PLCE1: variants seen among roughly 807,000 people sequenced by gnomAD.
PLCE1 encodes phospholipase C epsilon 1, also known as 1-phosphatidylinositol 4,5-bisphosphate phosphodiesterase epsilon-1.
PLCE1 carries 119 observed loss-of-function variants against 242.8 expected under a neutral mutation model. The ratio of observed to expected loss-of-function variants is 0.49; its 90% confidence interval spans 0.42 to 0.57. The LOEUF (loss-of-function observed/expected upper bound fraction) is 0.57. Among genes scored for constraint, PLCE1 ranks in the 20% least tolerant of loss-of-function variants. PLCE1 has a pLI of 0.00. For missense variants in PLCE1, 2,441 were observed against 2,788.8 expected (o/e 0.88, Z 2.81); for synonymous variants, 945 against 1,017.4 (o/e 0.93, Z 1.35).
intron 2 of PLCE1, among the ~76,000 whole-genome samples, chr10:94,097,548 T>C (rs988802680): frequency 6.6e-5 from 10 of 152,168 alleles, no homozygotes; most frequent in African/African-American, 1.9e-4. Flanking sequence ...ACCAGACTTA[T>C]TCTGAAATGA....
intron 1 of PLCE1, among the ~76,000 whole-genome samples, chr10:94,021,060 G>A (rs566434764): frequency 1.3e-5 from 2 of 151,998 alleles, no homozygotes; most frequent in Admixed American, 1.3e-4. Flanking sequence ...TGAACTCCTG[G>A]CCTCAAGTGA....
chr10:94,248,220 T>C (rs1289764163), intron 8 of PLCE1, among the ~76,000 whole-genome samples: 1 of 152,220 alleles, frequency 6.6e-6, no homozygotes, highest in Non-Finnish European at 1.5e-5. Flanking sequence ...ACTTGATTAA[T>C]TGATTAATAA....
chr10:94,204,539 G>T (rs972911117), intron 4 of PLCE1, among the ~76,000 whole-genome samples: 4 of 151,952 alleles, frequency 2.6e-5, no homozygotes, highest in African/African-American at 9.7e-5. Context: ...GTGGTGGCAG[G>T]CGCCTGTAAT....
chr10:94,093,615 C>T (rs987718603), intron 2 of PLCE1, among the ~76,000 whole-genome samples: 6 of 152,172 alleles, frequency 3.9e-5, no homozygotes, highest in African/African-American at 9.7e-5. Flanking sequence ...CTGCACAGTC[C>T]CACTGCCCAA....
chr10:94,175,610 A>G (rs964235471), intron 4 of PLCE1, among the ~76,000 whole-genome samples: 1 of 152,176 alleles, frequency 6.6e-6, no homozygotes, highest in Non-Finnish European at 1.5e-5. Flanking sequence ...GTACAATTAA[A>G]TTATTATTGA....
At chr10:94,008,639 T>G (rs1409946246) in intron 1 of PLCE1, among the ~76,000 whole-genome samples, 1 of 152,172 alleles carries the variant, frequency 6.6e-6, no homozygotes, top group Non-Finnish European at 1.5e-5. Context: ...ATCATTCCAC[T>G]ATTGATAGAA....
At chr10:94,320,081 T>G (rs2053735727) in intron 29 of PLCE1, among the ~76,000 whole-genome samples, 1 of 152,120 alleles carries the variant, frequency 6.6e-6, no homozygotes, top group East Asian at 1.9e-4. Context: ...TCTTGCCTCC[T>G]GGTTTGGGGG....
chr10:94,276,146 G>A (rs2051946626), intron 19 of PLCE1, among the ~76,000 whole-genome samples: 1 of 152,176 alleles, frequency 6.6e-6, no homozygotes, highest in Non-Finnish European at 1.5e-5. Context: ...CAGCCACATG[G>A]AGAGGCCTGT....
In PLCE1 at chr10:94,284,853, T is replaced by C; in HGVS notation, c.4923T>C (p.Tyr1641=). Residue 1641 remains tyrosine, a synonymous_variant, in exon 22 of 33, where the codon TAT becomes TAC. Transcript: ENST00000371380. ...TATCATTTTTCCCTTACCAGGTTTA[T>C]GATATGGAACTGGGAGAAGAATTTT... ...DNSACNKGKV[Y]DMELGEEFYL... is the part of the protein sequence containing the mutation. 6.4e-7 allele frequency: 1 copy of C among 1,561,818 alleles called. No homozygotes were observed. Among genetic ancestry groups the C allele is most frequent in the Admixed American group, 1.7e-5 (1 of 59,916 alleles).
intron 3 of PLCE1, among the ~76,000 whole-genome samples, chr10:94,155,140 C>G (rs953106916): frequency 3.3e-5 from 5 of 151,618 alleles, no homozygotes; most frequent in Admixed American, 6.6e-5. Context: ...AGTTATATAC[C>G]CAAGAGAAGT....
chr10:94,256,138 G>A lies in PLCE1; in HGVS notation c.3554+1089G>A, dbSNP rs187352803. 2.0e-5 allele frequency among the ~76,000 whole-genome samples: 3 copies of A among 151,636 alleles called. No homozygotes were observed. In the East Asian group the frequency reaches 5.8e-4, roughly 29 times the overall value. On this transcript the variant is annotated intron_variant, in intron 11 of 32. Transcript: ENST00000371380. Reference sequence around the variant, plus strand: ...CCCCAGGAATTCGAGACCAGCCTGAGCAACAGAAACCCCATCTCTACAAAA... The same window carrying A: ...CCCCAGGAATTCGAGACCAGCCTGAACAACAGAAACCCCATCTCTACAAAA...
chr10:94,230,678 A>G (rs1197218824), intron 5 of PLCE1, among the ~76,000 whole-genome samples: 1 of 152,080 alleles, frequency 6.6e-6, no homozygotes, highest in Non-Finnish European at 1.5e-5. Flanking sequence ...GAGCAAGATC[A>G]TAGCTCACTG....
chr10:94,176,701 C>CA (rs1564759172), intron 4 of PLCE1, among the ~76,000 whole-genome samples: 2 of 152,120 alleles, frequency 1.3e-5, no homozygotes, highest in South Asian at 2.1e-4. Context: ...TGCATCCATT[C>CA]AGTTAATCCA....
chr10:94,144,485 A>G (rs2047058493), intron 3 of PLCE1, among the ~76,000 whole-genome samples: 1 of 152,152 alleles, frequency 6.6e-6, no homozygotes, highest in East Asian at 1.9e-4. Flanking sequence ...ATTCTTTGAT[A>G]TAGACACCTA....
chr10:94,045,777 A>C (rs933771141), intron 2 of PLCE1, among the ~76,000 whole-genome samples: 1 of 152,080 alleles, frequency 6.6e-6, no homozygotes, highest in Non-Finnish European at 1.5e-5. Context: ...TCTGTCTCTC[A>C]CTTATTTCAT....
At chr10:93,999,280 A>C in intron 1 of PLCE1, among the ~76,000 whole-genome samples, 1 of 152,164 alleles carries the variant, frequency 6.6e-6, no homozygotes, top group East Asian at 1.9e-4. Flanking sequence ...CCCACAACCC[A>C]CTTTCTGAGG....
chr10:94,129,033 A>G (rs552940915), intron 2 of PLCE1, among the ~76,000 whole-genome samples: 1 of 152,332 alleles, frequency 6.6e-6, no homozygotes, highest in East Asian at 1.9e-4. Flanking sequence ...CTGTTGACTG[A>G]ATCTGGCCCA....
chr10:94,028,016 C>A (rs1332056681), intron 1 of PLCE1, among the ~76,000 whole-genome samples: 2 of 152,082 alleles, frequency 1.3e-5, no homozygotes, highest in African/African-American at 2.4e-5. Context: ...GGATTTGAAT[C>A]CTGTCTCAAT....
chr10:94,110,194 C>CT (rs1470812781), intron 2 of PLCE1, among the ~76,000 whole-genome samples: 1 of 149,230 alleles, frequency 6.7e-6, no homozygotes. Flanking sequence ...TCCCGACTAG[C>CT]TGGGACTACA....
Sources: gnomAD v4.1 joint callset for allele counts (sites outside exome capture counted in the v4.1 genomes callset) on GRCh38, gnomAD v4.1.1 for gene constraint, MANE v1.5 for transcripts, NCBI Gene and HGNC (gene_info 2026-07-23, HGNC 2026-07-21) for gene names.